The following MAP1S variants were observed in gnomAD, a reference collection of about 807,000 sequenced individuals.
MAP1S encodes the protein microtubule-associated protein 1S.
Under a neutral mutation model 60.9 loss-of-function variants are expected in MAP1S, and 27 were observed. The observed-to-expected ratio is 0.44, with a 90% CI of 0.33 to 0.61. The LOEUF is 0.61. MAP1S is among the 20% of genes least tolerant of loss of function. The pLI is 0.03. For missense variants in MAP1S, 1,608 were observed against 1,486.6 expected, an observed-to-expected ratio of 1.08 and a Z score of -1.34; for synonymous variants, 826 against 694.2, an observed-to-expected ratio of 1.19 and a Z score of -2.98.
chr19:17,726,854 C>T lies in MAP1S; in HGVS notation c.1470C>T (p.Thr490=). The T allele has an allele frequency of 6.4e-7, 1 of 1,553,714 alleles. No individual in the cohort carries two copies. Among genetic ancestry groups the T allele is most frequent in the Non-Finnish European group, 8.7e-7 (1 of 1,149,262 alleles). Residue 490 remains threonine (T), a synonymous_variant, in exon 5 of 7, where the codon ACC becomes ACT. Coordinates refer to ENST00000324096, the MANE Select transcript of MAP1S (RefSeq NM_018174.6). The part of the protein sequence containing the change: ...DSSKREGLLA[T]HPRPGQERPG... ...CGAAGAGAGAGGGCCTCCTGGCCACCCACCCTAGACCTGGCCAGGAGCGCC... is the reference window on the plus strand; with the variant it reads ...CGAAGAGAGAGGGCCTCCTGGCCACTCACCCTAGACCTGGCCAGGAGCGCC...
intron 2 of MAP1S, 122 bp downstream of exon 2, chr19:17,721,159 C>T: frequency 1.2e-6 from 1 of 812,302 alleles, no homozygotes; most frequent in Non-Finnish European, 2.1e-6. Context: ...ACAGTTGAGA[C>T]CTTTCAAATG....
intron 5 of MAP1S, 110 bp downstream of exon 5, chr19:17,728,282 A>ACT: frequency 4.9e-6 from 6 of 1,226,104 alleles, no homozygotes; most frequent in Non-Finnish European, 6.7e-6. Context: ...AGATGGTCTC[A>ACT]CTCTGTCTCT....
rs931839166 is a variant in MAP1S at position 17,727,353 on chromosome 19, A to C, written c.1969A>C (p.Ser657Arg). Reference protein sequence around the residue: ...PAEGSERLSLSPLRGGEAGPD... With the variant: ...PAEGSERLSLRPLRGGEAGPD... ...AGAGGGCAGCGAGCGGCTGTCGCTG[A>C]GCCCACTGCGGGGCGGGGAGGCCGG... Residue 657 changes from serine (S) to arginine (R), a missense_variant, in exon 5 of 7, where the codon AGC becomes CGC. Transcript: ENST00000324096. This position sits in a 1 kb window ranked among gnomAD's most constrained non-coding sequence, Gnocchi z 4.1. 6.3e-7 allele frequency: 1 copy of C among 1,587,312 alleles called. No homozygotes were observed. Among genetic ancestry groups the C allele is most frequent in the Non-Finnish European group, 8.5e-7 (1 of 1,170,342 alleles).
Position 17,727,712 on chromosome 19 carries a change from G to C in MAP1S, c.2328G>C (p.Gly776=), listed in dbSNP as rs1190751382. ...CCCGGTCACAGGAACGGGCAGGTGG[G>C]CTGGGGGCCGAGGAGACGCCACCCA... ...SSARSQERAG[G]LGAEETPPTS... is the part of the protein sequence containing the mutation. Residue 776 remains glycine (G), a synonymous_variant, in exon 5 of 7, where the codon GGG becomes GGC. Coordinates refer to ENST00000324096, the MANE Select transcript of MAP1S (RefSeq NM_018174.6). The surrounding 1 kb of genome is among the most constrained non-coding windows in gnomAD (Gnocchi z 4.1). 1.2e-6 allele frequency: 2 copies of C among 1,607,566 alleles called. No homozygotes were observed. Among genetic ancestry groups the C allele is most frequent in the Non-Finnish European group, 1.7e-6 (2 of 1,177,974 alleles).
At chr19:17,730,596 A>G (rs985064048) in intron 5 of MAP1S, among the ~76,000 whole-genome samples, 3 of 152,188 alleles carry the variant, frequency 2.0e-5, no homozygotes, top group African/African-American at 7.2e-5. Context: ...GATTACAGGC[A>G]TGAGCCACCA....
rs762011796 is a variant in MAP1S at position 17,733,281 on chromosome 19, C to T, written c.2877C>T (p.Ser959=). The part of the protein sequence containing the change: ...LDLAYLPSGS[S]AHLVDEEFFQ... ...TGGCCTACCTGCCCAGCGGGAGCAG[C>T]GCCCACCTGGTGGATGAGGAGTTCT... Residue 959 remains serine, a synonymous_variant, in exon 6 of 7, where the codon AGC becomes AGT. Transcript: ENST00000324096. 8 of 1,573,770 alleles carry T rather than the reference C, an allele frequency of 5.1e-6. No individual in the cohort carries two copies. Among genetic ancestry groups the T allele is most frequent in the South Asian group, 2.3e-5 (2 of 85,956 alleles).
rs752081412 is a variant in MAP1S, at chr19:17,719,495, G to T, written c.-8G>T. 4.0e-6 allele frequency: 5 copies of T among 1,243,000 alleles called. No individual in the cohort carries two copies. Among genetic ancestry groups the T allele is most frequent in the Admixed American group, 4.2e-5 (1 of 23,638 alleles). 77.0% of individuals were successfully genotyped at this position (1,243,000 alleles called of 1,614,324 possible). A position where few individuals can be genotyped will look rare whatever the true frequency, so the allele number is the denominator to read the frequency against. On this transcript the variant is annotated 5_prime_UTR_variant, in exon 1 of 7. Coordinates refer to ENST00000324096, the MANE Select transcript of MAP1S (RefSeq NM_018174.6). ...GGCGGGCGCCGAGAACGCCGGGGCG[G>T]CCCGAAGATGGCGGCGGTGGCTGGA...
rs1245558517 is a variant in MAP1S at position 17,727,246 on chromosome 19, A to G, written c.1862A>G (p.Glu621Gly). Reference sequence around the variant, plus strand: ...CTGGGGCCGATCCCAGCCGGGGAGGAGAAGGCACTGGAGCTGCCTTTGGCC... The same window carrying G: ...CTGGGGCCGATCCCAGCCGGGGAGGGGAAGGCACTGGAGCTGCCTTTGGCC... Reference protein sequence around the residue: ...LELGPIPAGEEKALELPLAAS... With the variant: ...LELGPIPAGEGKALELPLAAS... The change falls in exon 5 of 7, where the codon GAG becomes GGG. Residue 621 changes from glutamate to glycine, a missense_variant. Physicochemically the swap from Glu to Gly is moderately conservative, Grantham distance 98 (BLOSUM62 -2). Coordinates refer to ENST00000324096, the MANE Select transcript of MAP1S (RefSeq NM_018174.6). The surrounding 1 kb of genome is among the most constrained non-coding windows in gnomAD (Gnocchi z 4.1). 2 of 1,570,724 alleles carry G rather than the reference A, an allele frequency of 1.3e-6. No homozygotes were observed. The highest frequency in any genetic ancestry group is 1.8e-5 in the Admixed American group (1 of 55,086).
At position 17,726,092 on chromosome 19, in the gene MAP1S, C is replaced by T; in HGVS notation, c.708C>T (p.Leu236=). Residue 236 remains leucine (L), a synonymous_variant, in exon 5 of 7, where the codon CTC becomes CTT. Transcript: ENST00000324096. ...AGCCCCCGACCTCCGGGGGCTTCCT[C>T]AGGCTGGGCCGGCCCTGCTGCTACA... is the stretch of plus-strand genomic sequence containing the variant. ...LLEPPTSGGF[L]RLGRPCCYIF... is the part of the protein sequence containing the mutation. 1 of 1,613,880 alleles carries T rather than the reference C, an allele frequency of 6.2e-7. No individual in the cohort carries two copies. Among genetic ancestry groups the T allele is most frequent in the South Asian group, 1.1e-5 (1 of 91,086 alleles).
chr19:17,731,987 G>T (rs2080497422), intron 5 of MAP1S, among the ~76,000 whole-genome samples: 1 of 152,206 alleles, frequency 6.6e-6, no homozygotes, highest in Non-Finnish European at 1.5e-5. Context: ...TTACATTATT[G>T]TTCATAAAGT....
At chr19:17,720,825 GT>G (rs1878329461) in intron 1 of MAP1S, 110 bp from the exon 2 acceptor site, 1 of 827,492 alleles carries the variant, frequency 1.2e-6, no homozygotes, top group African/African-American at 1.7e-5. Context: ...CAAGCTGTGA[GT>G]GAAGGGAGGA....
chr19:17,720,894 G>A, intron 1 of MAP1S, 42 bp from the exon 2 acceptor site: 1 of 1,471,458 alleles, frequency 6.8e-7, no homozygotes, highest in African/African-American at 1.4e-5. Flanking sequence ...GGGAGCTGGG[G>A]GGCCCGGCTG....
Position 17,726,866 on chromosome 19 carries a change from T to G in MAP1S, c.1482T>G (p.Pro494=), listed in dbSNP as rs2080432425. The part of the protein sequence containing the change: ...REGLLATHPR[P]GQERPGVARK... ...GCCTCCTGGCCACCCACCCTAGACC[T>G]GGCCAGGAGCGCCCTGGGGTGGCCC... Residue 494 remains proline, a synonymous_variant, in exon 5 of 7, where the codon CCT becomes CCG. Transcript: ENST00000324096. The G allele has an allele frequency of 1.3e-6, 2 of 1,554,898 alleles. No individual in the cohort carries two copies. Among genetic ancestry groups the G allele is most frequent in the East Asian group, 4.8e-5 (2 of 41,408 alleles).
Position 17,733,231 on chromosome 19 carries a change from C to A in MAP1S, c.2827C>A (p.Pro943Thr), listed in dbSNP as rs771329661. ...SSRPGVSATP[P>T]KSPVYLDLAY... is the part of the protein sequence containing the mutation. ...CCGGCCCGGGGTGTCAGCCACCCCA[C>A]CCAAGTCCCCGGTCTACCTGGACCT... is the stretch of plus-strand genomic sequence containing the variant. The change falls in exon 6 of 7, where the codon CCC (proline) becomes ACC (threonine). Residue 943 changes from proline (P) to threonine (T), a missense_variant. Physicochemically the swap from Pro to Thr is conservative, Grantham distance 38. This residue lies in a region of MAP1S where 1,167 missense variants were observed against 961.4 expected (regional missense o/e 1.21). Transcript: ENST00000324096. 1.3e-6 allele frequency: 2 copies of A among 1,548,890 alleles called. No homozygotes were observed. Among genetic ancestry groups the A allele is most frequent in the Admixed American group, 3.9e-5 (2 of 51,020 alleles).
intron 5 of MAP1S, among the ~76,000 whole-genome samples, chr19:17,732,386 G>A (rs1342403375): frequency 6.6e-6 from 1 of 152,190 alleles, no homozygotes; most frequent in Non-Finnish European, 1.5e-5. Flanking sequence ...TGCAGGGTCT[G>A]GCAGGCTTCT....
At chr19:17,729,964 G>A (rs1294555503) in intron 5 of MAP1S, among the ~76,000 whole-genome samples, 1 of 151,892 alleles carries the variant, frequency 6.6e-6, no homozygotes, top group Non-Finnish European at 1.5e-5. Context: ...CCCAGCCTAC[G>A]CCCAGCTAAT....
At chr19:17,723,980 T>C (rs2080394177) in intron 2 of MAP1S, 146 bp from the exon 3 acceptor site, 1 of 627,982 alleles carries the variant, frequency 1.6e-6, no homozygotes, top group Non-Finnish European at 2.8e-6. Context: ...GAGTTTCTCT[T>C]TCTTGCCTGG....
Position 17,726,958 on chromosome 19 carries a change from TGAA to T in MAP1S, c.1578_1580del (p.Lys527del), listed in dbSNP as rs749736504. ...AAAGAAGCCAAGACCCCCCGGGAGT[TGAA>T]GAAAGACCCCAAACCGAGTGTCTCC... On this transcript the variant is annotated inframe_deletion, in exon 5 of 7. Transcript: ENST00000324096. The T allele has an allele frequency of 6.4e-7, 1 of 1,574,078 alleles. No individual in the cohort carries two copies. Among genetic ancestry groups the T allele is most frequent in the Admixed American group, 1.9e-5 (1 of 53,438 alleles).
rs1188284908 is a variant in MAP1S at position 17,725,316 on chromosome 19, AGTG to A, written c.444+131_444+133del. 62 of 1,149,074 alleles carry A rather than the reference AGTG, an allele frequency of 5.4e-5. No individual in the cohort carries two copies. Among genetic ancestry groups the A allele is most frequent in the Admixed American group, 2.9e-4 (11 of 37,456 alleles). 71.2% of individuals were successfully genotyped at this position (1,149,074 alleles called of 1,614,324 possible). On this transcript the variant is annotated intron_variant, in intron 4 of 6. Transcript: ENST00000324096. The surrounding 1 kb of genome is among the most constrained non-coding windows in gnomAD (Gnocchi z 4.2). ...GTCTCCCCATCCTCTGTAGGATGGCAGTGGTGACACATGCCTCCTGGCTGTCTG... is the reference window on the plus strand; with the variant it reads ...GTCTCCCCATCCTCTGTAGGATGGCAGTGACACATGCCTCCTGGCTGTCTG...
Sources: gnomAD v4.1 joint callset for allele counts (sites outside exome capture counted in the v4.1 genomes callset) on GRCh38, gnomAD v4.1.1 for gene constraint, gnomAD v4.1.1 regional missense constraint, Gnocchi (gnomAD v3.1) non-coding constraint, MANE v1.5 for transcripts, NCBI Gene and HGNC (gene_info 2026-07-23, HGNC 2026-07-21) for gene names.